The following SGCG variants were observed in gnomAD, a reference collection of about 807,000 sequenced individuals.
SGCG encodes the protein gamma-sarcoglycan.
A neutral mutation model predicts 29.3 loss-of-function variants in SGCG; 26 were observed. The observed-to-expected ratio is 0.89, with a 90% CI of 0.65 to 1.23. SGCG has a LOEUF of 1.23. SGCG is among the 50% of genes most tolerant of loss of function. The pLI, the probability that SGCG is intolerant of heterozygous loss-of-function variation, is 0.00. For missense variants in SGCG, 353 were observed against 356.0 expected, an observed-to-expected ratio of 0.99 and a Z score of 0.07; for synonymous variants, 145 against 129.7, an observed-to-expected ratio of 1.12 and a Z score of -0.80.
intron 5 of SGCG, among the ~76,000 whole-genome samples, chr13:23,288,787 T>C (rs1399208672): frequency 6.6e-6 from 1 of 152,248 alleles, no homozygotes; most frequent in Non-Finnish European, 1.5e-5. Context: ...TGACAAATTG[T>C]TAGTTTGGCT....
At chr13:23,240,533 C>G (rs1879466701) in intron 3 of SGCG, among the ~76,000 whole-genome samples, 2 of 152,152 alleles carry the variant, frequency 1.3e-5, no homozygotes, top group African/African-American at 4.8e-5. Context: ...TTCAAGTGCA[C>G]AGGGAACATT....
chr13:23,173,335 C>A, the SGCG span, among the ~76,000 whole-genome samples: 1 of 152,202 alleles, frequency 6.6e-6, no homozygotes, highest in Non-Finnish European at 1.5e-5. Flanking sequence ...TGCTTTCTTA[C>A]TCCAGCTCAC....
chr13:23,206,115 T>G (rs892100356), intron 2 of SGCG, among the ~76,000 whole-genome samples: 1 of 152,248 alleles, frequency 6.6e-6, no homozygotes, highest in Admixed American at 6.5e-5. Flanking sequence ...TCTTACTGAT[T>G]TGAAAGATTT....
chr13:23,272,534 G>A (rs575511399), intron 4 of SGCG, among the ~76,000 whole-genome samples: 16 of 152,180 alleles, frequency 1.1e-4, no homozygotes, highest in Non-Finnish European at 2.1e-4. Flanking sequence ...GTGGTGTTGC[G>A]CTGTGCTTCT....
intron 6 of SGCG, among the ~76,000 whole-genome samples, chr13:23,313,254 T>C (rs900103161): frequency 4.6e-5 from 7 of 151,754 alleles, no homozygotes; most frequent in African/African-American, 1.7e-4. Flanking sequence ...AGCCTCTGCC[T>C]CCTGGGTTCA....
Position 23,250,340 on chromosome 13 carries a change from C to T in SGCG, c.298-290C>T, listed in dbSNP as rs185946763. 1.7e-3 allele frequency among the ~76,000 whole-genome samples: 266 copies of T among 152,162 alleles called. 3 individuals carry two copies. Among genetic ancestry groups the T allele is most frequent in the African/African-American group, 5.4e-3 (225 of 41,530 alleles). On this transcript the variant is annotated intron_variant, in intron 3 of 7. Transcript: ENST00000218867. Reference sequence around the variant, plus strand: ...CCTTGACATAGCTGTGACCATATAGCTCTGTTAAATTGCATATTTGTCTAA... The same window carrying T: ...CCTTGACATAGCTGTGACCATATAGTTCTGTTAAATTGCATATTTGTCTAA...
At chr13:23,265,642 C>CA (rs1431594447) in intron 4 of SGCG, among the ~76,000 whole-genome samples, 1 of 151,994 alleles carries the variant, frequency 6.6e-6, no homozygotes, top group African/African-American at 2.4e-5. Flanking sequence ...AAAGAAGATA[C>CA]AAAAATAGCC....
At chr13:23,162,658 C>T in the SGCG span, among the ~76,000 whole-genome samples, 3 of 151,296 alleles carry the variant, frequency 2.0e-5, no homozygotes, top group Admixed American at 2.0e-4. Context: ...TGGTGAAACC[C>T]GATCTCTGCT....
chr13:23,203,933 A>G (rs377001052), intron 2 of SGCG, 44 bp downstream of exon 2: 1 of 1,316,156 alleles, frequency 7.6e-7, no homozygotes, highest in Non-Finnish European at 1.1e-6. Context: ...TGTTTTGTTC[A>G]CTGTATCACT....
chr13:23,285,498 G>T (rs1881463410), intron 5 of SGCG, among the ~76,000 whole-genome samples: 1 of 152,216 alleles, frequency 6.6e-6, no homozygotes, highest in Admixed American at 6.5e-5. Context: ...TTAGACTGCT[G>T]TGTTGGCAGC....
the SGCG span, among the ~76,000 whole-genome samples, chr13:23,165,674 G>A: frequency 6.6e-6 from 1 of 151,984 alleles, no homozygotes; most frequent in South Asian, 2.1e-4. Flanking sequence ...ACAGGCGCTT[G>A]CCACCACGCC....
intron 2 of SGCG, among the ~76,000 whole-genome samples, chr13:23,206,762 G>T (rs1024233481): frequency 2.6e-5 from 4 of 152,062 alleles, no homozygotes. Flanking sequence ...ACTTAACTAA[G>T]AAGATTAAAG....
chr13:23,227,560 G>A (rs141331935), intron 2 of SGCG, among the ~76,000 whole-genome samples: 19 of 152,206 alleles, frequency 1.2e-4, no homozygotes, highest in African/African-American at 3.6e-4. Flanking sequence ...TGGACAAACC[G>A]TTTGGCACAC....
chr13:23,208,468 A>G (rs994438450), intron 2 of SGCG, among the ~76,000 whole-genome samples: 3 of 152,166 alleles, frequency 2.0e-5, no homozygotes, highest in African/African-American at 7.2e-5. Flanking sequence ...GACACCAAAG[A>G]ATATTAAAAA....
chr13:23,283,110 A>G (rs1421126981), intron 5 of SGCG, among the ~76,000 whole-genome samples: 1 of 152,086 alleles, frequency 6.6e-6, no homozygotes, highest in Non-Finnish European at 1.5e-5. Flanking sequence ...TGGGGTGGAG[A>G]CTTCTGTAGA....
Position 23,252,321 on chromosome 13 carries a change from C to T in SGCG, c.385+1604C>T, listed in dbSNP as rs552929811. ...GACTATGGGCTACCTTATATGCTAT[C>T]AAGTAATAATAATAAAGACTATGTA... On this transcript the variant is annotated intron_variant, in intron 4 of 7. Coordinates refer to ENST00000218867, the MANE Select transcript of SGCG (RefSeq NM_000231.3). 5.0e-4 allele frequency among the ~76,000 whole-genome samples: 76 copies of T among 152,108 alleles called. 1 individual carries two copies. The highest frequency in any genetic ancestry group is 1.4e-3 in the Admixed American group (22 of 15,274).
At chr13:23,288,378 G>A (rs575397245) in intron 5 of SGCG, among the ~76,000 whole-genome samples, 3 of 152,112 alleles carry the variant, frequency 2.0e-5, no homozygotes, top group Admixed American at 1.3e-4. Context: ...TGGTGCACTC[G>A]AAACTCCTGA....
At chr13:23,212,366 TATTTTTCCCAGCATAGC>T (rs1878258244) in intron 2 of SGCG, among the ~76,000 whole-genome samples, 1 of 124,716 alleles carries the variant, frequency 8.0e-6, no homozygotes, top group Non-Finnish European at 1.8e-5. Context: ...GACTCGGACT[TATTTTTCCCAGCATAGC>T]ACACCACAAT....
At chr13:23,241,335 G>T (rs553723895) in intron 3 of SGCG, among the ~76,000 whole-genome samples, 17,303 of 151,902 alleles carry the variant, frequency 0.11, 1,220 homozygotes, top group East Asian at 0.38. Flanking sequence ...AGGCTACCAT[G>T]AACAAGTATT....
Sources: gnomAD v4.1 joint callset for allele counts (sites outside exome capture counted in the v4.1 genomes callset) on GRCh38, gnomAD v4.1.1 for gene constraint, MANE v1.5 for transcripts, NCBI Gene and HGNC (gene_info 2026-07-23, HGNC 2026-07-21) for gene names.